The following ZCCHC7 variants were observed in gnomAD, a reference collection of about 807,000 sequenced individuals.
ZCCHC7 encodes zinc finger CCHC-type containing 7, also known as zinc finger CCHC domain-containing protein 7.
In ZCCHC7, 35 loss-of-function variants were observed where a neutral mutation model predicts 52.0. The observed-to-expected ratio is 0.67, with a 90% confidence interval of 0.51 to 0.89. ZCCHC7 has a LOEUF of 0.89. Among genes scored for constraint, ZCCHC7 ranks in the 40% least tolerant of loss-of-function variants. ZCCHC7 has a pLI of 0.00. For synonymous variants in ZCCHC7, 217 were observed against 221.5 expected, an observed-to-expected ratio of 0.98 and a Z score of 0.18; for missense variants, 574 against 649.1, an observed-to-expected ratio of 0.88 and a Z score of 1.26.
chr9:37,243,970 A>G lies in ZCCHC7; in HGVS notation c.611-58218A>G, dbSNP rs994332924. ...GTAGAGTTTGTCTTCTGTGTCTCCAAACTTACTATCCTGTACATCTTGACT... is the reference window on the plus strand; with the variant it reads ...GTAGAGTTTGTCTTCTGTGTCTCCAGACTTACTATCCTGTACATCTTGACT... On this transcript the variant is annotated intron_variant, in intron 2 of 8. Transcript: ENST00000336755. Among the ~76,000 whole-genome samples, 12 of 151,860 alleles carry G rather than the reference A, an allele frequency of 7.9e-5. No homozygotes were observed. The South Asian group carries it at 2.3e-3, about 29-fold the overall frequency.
intron 2 of ZCCHC7, among the ~76,000 whole-genome samples, chr9:37,158,855 C>T (rs1820948393): frequency 6.6e-6 from 1 of 152,138 alleles, no homozygotes; most frequent in East Asian, 1.9e-4. Flanking sequence ...AGTTTGTCTG[C>T]TGAATAAAAT....
rs538818160 is a variant in ZCCHC7, at chr9:37,194,922, T to G, written c.610+67980T>G. On this transcript the variant is annotated intron_variant, in intron 2 of 8. Transcript: ENST00000336755. The stretch of plus-strand genomic sequence containing the variant: ...CAGGTGGGTATAGCAGAACAAGAAC[T>G]CAGATTTCTTGGATTCTCTTTTTTC... Among the ~76,000 whole-genome samples, 3 of 151,840 alleles carry G rather than the reference T, an allele frequency of 2.0e-5. No individual in the cohort carries two copies. In the South Asian group the frequency reaches 6.2e-4, roughly 32 times the overall value.
intron 2 of ZCCHC7, among the ~76,000 whole-genome samples, chr9:37,156,434 G>A (rs1306389597): frequency 2.0e-5 from 3 of 152,050 alleles, no homozygotes; most frequent in African/African-American, 4.8e-5. Context: ...ATCTTTTCCC[G>A]TAAACGCCAC....
chr9:37,225,497 T>C (rs967949673), intron 2 of ZCCHC7, among the ~76,000 whole-genome samples: 2 of 152,140 alleles, frequency 1.3e-5, no homozygotes, highest in Non-Finnish European at 1.5e-5. Flanking sequence ...ACCAGAAAGC[T>C]ACAGATCTAG....
chr9:37,281,171 A>G (rs374021970), intron 2 of ZCCHC7, among the ~76,000 whole-genome samples: 3 of 151,996 alleles, frequency 2.0e-5, no homozygotes, highest in Non-Finnish European at 4.4e-5. Context: ...GTACATCACT[A>G]TGGCCAGCTA....
At chr9:37,256,637 G>C (rs1826600240) in intron 2 of ZCCHC7, among the ~76,000 whole-genome samples, 1 of 152,138 alleles carries the variant, frequency 6.6e-6, no homozygotes, top group African/African-American at 2.4e-5. Flanking sequence ...TCTGTATGAT[G>C]AAACGGGAAG....
At chr9:37,133,649 C>T (rs1588353563) in intron 2 of ZCCHC7, among the ~76,000 whole-genome samples, 1 of 151,810 alleles carries the variant, frequency 6.6e-6, no homozygotes, top group African/African-American at 2.4e-5. Context: ...AGTGCGGTGG[C>T]GTTATCTTGG....
In ZCCHC7 at chr9:37,218,636, C is replaced by T. The variant is rs142329749; in HGVS notation, c.611-83552C>T. Among the ~76,000 whole-genome samples, 641 of 152,222 alleles carry T rather than the reference C, an allele frequency of 4.2e-3. 10 individuals are homozygous for T. Among genetic ancestry groups the T allele is most frequent in the African/African-American group, 8.2e-3 (341 of 41,532 alleles). On this transcript the variant is annotated intron_variant, in intron 2 of 8. Coordinates refer to ENST00000336755, the MANE Select transcript of ZCCHC7 (RefSeq NM_032226.3). ...CCAGCTTGGCCAACATGGTGAAACC[C>T]TGTCTCTACTAAAAATACAAAAATT... is the stretch of plus-strand genomic sequence containing the variant.
chr9:37,251,247 C>T (rs1051311642), intron 2 of ZCCHC7, among the ~76,000 whole-genome samples: 5 of 151,880 alleles, frequency 3.3e-5, no homozygotes, highest in Non-Finnish European at 7.4e-5. Flanking sequence ...ACTATGTTTC[C>T]TTTTTAATTT....
At chr9:37,206,701 G>A (rs1414408256) in intron 2 of ZCCHC7, among the ~76,000 whole-genome samples, 15 of 152,082 alleles carry the variant, frequency 9.9e-5, no homozygotes. Flanking sequence ...GGAAATTGCA[G>A]CGACTTTGAC....
intron 2 of ZCCHC7, among the ~76,000 whole-genome samples, chr9:37,177,063 C>T (rs879453685): frequency 5.9e-5 from 9 of 151,986 alleles, no homozygotes; most frequent in Admixed American, 3.3e-4. Flanking sequence ...GGATCTAGGC[C>T]GGGTGTGGTG....
intron 2 of ZCCHC7, among the ~76,000 whole-genome samples, chr9:37,205,642 G>T (rs1188736074): frequency 6.6e-6 from 1 of 152,156 alleles, no homozygotes; most frequent in Non-Finnish European, 1.5e-5. Flanking sequence ...TCAGCCTCCT[G>T]AGTAGCTGGA....
chr9:37,225,034 T>G (rs980581435), intron 2 of ZCCHC7, among the ~76,000 whole-genome samples: 1 of 152,234 alleles, frequency 6.6e-6, no homozygotes, highest in African/African-American at 2.4e-5. Context: ...ATAATTCATT[T>G]TATCCCTGGA....
chr9:37,334,768 G>A (rs999199203), intron 6 of ZCCHC7, among the ~76,000 whole-genome samples: 3 of 151,744 alleles, frequency 2.0e-5, no homozygotes, highest in African/African-American at 7.3e-5. Context: ...AAGAAATACC[G>A]AAAACAAGTG....
intron 2 of ZCCHC7, among the ~76,000 whole-genome samples, chr9:37,167,729 C>T (rs745579387): frequency 6.6e-6 from 1 of 152,118 alleles, no homozygotes; most frequent in Admixed American, 6.5e-5. Flanking sequence ...TTGGGCCTTG[C>T]GTTTAAGATT....
intron 2 of ZCCHC7, among the ~76,000 whole-genome samples, chr9:37,204,150 GTTGT>G (rs1256612892): frequency 4.3e-4 from 66 of 152,174 alleles, no homozygotes; most frequent in Admixed American, 1.3e-3. Flanking sequence ...TTTTGATGGG[GTTGT>G]TTGTTTTTTT....
chr9:37,267,399 G>T (rs186339685), intron 2 of ZCCHC7, among the ~76,000 whole-genome samples: 2 of 150,638 alleles, frequency 1.3e-5, no homozygotes, highest in Non-Finnish European at 3.0e-5. Flanking sequence ...ATTTGGTGGT[G>T]GGGGGGAGAC....
chr9:37,151,217 C>T (rs1319364917), intron 2 of ZCCHC7, among the ~76,000 whole-genome samples: 3 of 151,990 alleles, frequency 2.0e-5, no homozygotes, highest in Admixed American at 6.5e-5. Flanking sequence ...CCACCCGCCT[C>T]GGCCTCCCAA....
chr9:37,274,633 C>G (rs1211549738), intron 2 of ZCCHC7, among the ~76,000 whole-genome samples: 2 of 151,980 alleles, frequency 1.3e-5, no homozygotes, highest in African/African-American at 2.4e-5. Context: ...GCCACCATGC[C>G]CAGCCTCTAA....
Sources: allele counts gnomAD v4.1 joint callset (sites outside exome capture counted in the v4.1 genomes callset), GRCh38; gene constraint gnomAD v4.1.1; transcripts MANE v1.5; gene names NCBI Gene and HGNC (gene_info 2026-07-23, HGNC 2026-07-21).